NBAS: variants seen among roughly 807,000 people sequenced by gnomAD.
NBAS encodes the protein NBAS subunit of NRZ tethering complex, also known as NAG/BC035112 fusion.
A neutral mutation model predicts 302.5 loss-of-function variants in NBAS; 219 were observed. The observed-to-expected ratio is 0.72, with a 90% CI of 0.65 to 0.81. NBAS has a LOEUF of 0.81. Ranked by LOEUF, NBAS falls within the 30% of genes least tolerant of loss-of-function variation. The probability of loss-of-function intolerance (pLI) is 0.00; values close to 1 mark genes in which losing one functional copy is unlikely to be tolerated. For missense variants in NBAS, 2,932 were observed against 2,841.6 expected, an observed-to-expected ratio of 1.03 and a Z score of -0.72; for synonymous variants, 1,118 against 1,021.6, an observed-to-expected ratio of 1.09 and a Z score of -1.80.
At chr2:14,815,222 T>C in the NBAS span, among the ~76,000 whole-genome samples, 3 of 152,196 alleles carry the variant, frequency 2.0e-5, no homozygotes, top group Non-Finnish European at 4.4e-5. Context: ...ACAGGTTAAC[T>C]AGCTATAAGG....
At chr2:15,216,441 T>C (rs1204651662) in intron 48 of NBAS, among the ~76,000 whole-genome samples, 2 of 152,132 alleles carry the variant, frequency 1.3e-5, no homozygotes, top group Admixed American at 6.5e-5. Flanking sequence ...ACACATGGAT[T>C]TGGCAAATGA....
At chr2:15,017,026 G>A in the NBAS span, among the ~76,000 whole-genome samples, 1 of 152,042 alleles carries the variant, frequency 6.6e-6, no homozygotes, top group Non-Finnish European at 1.5e-5. Flanking sequence ...AAAATGCACT[G>A]ATTTTTTGAC....
intron 46 of NBAS, among the ~76,000 whole-genome samples, chr2:15,234,186 G>A (rs1346657457): frequency 6.6e-6 from 1 of 152,166 alleles, no homozygotes; most frequent in Admixed American, 6.5e-5. Context: ...CTACTACAAA[G>A]AATGGGAATT....
chr2:15,331,688 C>T (rs140222275), intron 35 of NBAS, among the ~76,000 whole-genome samples: 160 of 152,178 alleles, frequency 1.1e-3, no homozygotes, highest in South Asian at 2.3e-3. Context: ...ATTAATTACC[C>T]GGGCATCATC....
chr2:15,300,073 C>T (rs1558514772), intron 40 of NBAS, among the ~76,000 whole-genome samples: 1 of 152,186 alleles, frequency 6.6e-6, no homozygotes, highest in Non-Finnish European at 1.5e-5. Context: ...TCTGAGAGAG[C>T]TGCTGGGCTC....
At chr2:15,514,903 AG>A (rs1662315597) in intron 9 of NBAS, among the ~76,000 whole-genome samples, 1 of 152,182 alleles carries the variant, frequency 6.6e-6, no homozygotes, top group South Asian at 2.1e-4. Flanking sequence ...TAAGAACAAA[AG>A]GGATTCAGTA....
rs113218127 is a variant in NBAS at position 15,470,980 on chromosome 2, A to G, written c.1725+2242T>C. Among the ~76,000 whole-genome samples the G allele has an allele frequency of 9.6e-3, 1,459 of 152,228 alleles. 17 individuals carry two copies. Among genetic ancestry groups the G allele is most frequent in the African/African-American group, 0.03 (1,253 of 41,540 alleles). On this transcript the variant is annotated intron_variant, in intron 16 of 51. Transcript: ENST00000281513. ...TCCATCTCAAAACAAAACAAAAAAA[A>G]TCATAAGCTCCCTATGAGCAAAAGC...
chr2:15,127,384 C>T, the NBAS span, among the ~76,000 whole-genome samples: 3 of 152,206 alleles, frequency 2.0e-5, no homozygotes, highest in African/African-American at 7.2e-5. Context: ...CTCCAAGCAA[C>T]AAAGACCAGC....
intron 21 of NBAS, among the ~76,000 whole-genome samples, chr2:15,452,086 G>A (rs1039702477): frequency 1.3e-5 from 2 of 151,932 alleles, no homozygotes; most frequent in African/African-American, 4.8e-5. Flanking sequence ...GAGATACAAA[G>A]CAGAAATGTG....
At position 15,274,002 on chromosome 2, in the gene NBAS, C is replaced by A. The variant is rs550384019; in HGVS notation, c.5724+1482G>T. Among the ~76,000 whole-genome samples the A allele has an allele frequency of 5.4e-3, 821 of 152,040 alleles. 4 individuals are homozygous for A. Among genetic ancestry groups the A allele is most frequent in the African/African-American group, 0.017 (706 of 41,496 alleles). ...CCTCCTAGCAGGAGAATGGCATGAACCCAGGAGGCAGAGCTTGCAGTGAGC... is the reference window on the plus strand; with the variant it reads ...CCTCCTAGCAGGAGAATGGCATGAAACCAGGAGGCAGAGCTTGCAGTGAGC... On this transcript the variant is annotated intron_variant, in intron 44 of 51. Transcript: ENST00000281513.
intron 33 of NBAS, among the ~76,000 whole-genome samples, chr2:15,355,625 T>C (rs115445002): frequency 0.013 from 2,054 of 152,234 alleles, 44 homozygotes; most frequent in African/African-American, 0.048. Context: ...TTCTCATGGT[T>C]TAACATCATA....
the NBAS span, among the ~76,000 whole-genome samples, chr2:14,950,328 T>G: frequency 9.2e-5 from 14 of 152,202 alleles, no homozygotes. Context: ...TCCAGGTCAT[T>G]GCAAGTGCTG....
At chr2:15,329,652 C>T (rs1297039191) in intron 36 of NBAS, among the ~76,000 whole-genome samples, 1 of 152,190 alleles carries the variant, frequency 6.6e-6, no homozygotes, top group Non-Finnish European at 1.5e-5. Context: ...TCATCTCCTA[C>T]CATTCTCCCC....
intron 38 of NBAS, among the ~76,000 whole-genome samples, 155 bp from the exon 39 acceptor site, chr2:15,309,402 T>C (rs143471258): frequency 1.7e-3 from 264 of 152,334 alleles, no homozygotes; most frequent in Non-Finnish European, 2.6e-3. Context: ...AAACAGATCA[T>C]ATGGAACTGT....
At chr2:15,122,914 G>A in the NBAS span, among the ~76,000 whole-genome samples, 1 of 151,968 alleles carries the variant, frequency 6.6e-6, no homozygotes. Flanking sequence ...GGCTATTCTG[G>A]GATTTGCACT....
intron 30 of NBAS, among the ~76,000 whole-genome samples, chr2:15,379,030 A>G (rs1249724724): frequency 4.6e-5 from 7 of 152,152 alleles, no homozygotes; most frequent in African/African-American, 7.2e-5. Flanking sequence ...ATACCTAATT[A>G]CGAGAACTCA....
rs114869693 is a variant in NBAS, at chr2:15,384,190, G to C, written c.3258-873C>G. Among the ~76,000 whole-genome samples the C allele has an allele frequency of 2.9e-3, 445 of 152,302 alleles. 2 individuals carry two copies. Among genetic ancestry groups the C allele is most frequent in the African/African-American group, 0.01 (416 of 41,562 alleles). On this transcript the variant is annotated intron_variant, in intron 28 of 51. Transcript: ENST00000281513. ...AAAAACCACTTTATATTGATTTACA[G>C]AGTTACAGAGCTAGGAAATTAATGG...
chr2:14,796,728 A>G, the NBAS span, among the ~76,000 whole-genome samples: 8 of 151,974 alleles, frequency 5.3e-5, no homozygotes, highest in African/African-American at 1.9e-4. Flanking sequence ...AACCTGAGTG[A>G]GAACTTCTAT....
intron 37 of NBAS, 79 bp downstream of exon 37, chr2:15,328,120 A>G: frequency 7.2e-7 from 1 of 1,391,898 alleles, no homozygotes; most frequent in Non-Finnish European, 1.0e-6. Flanking sequence ...GTATATTTTC[A>G]AGAAAATTTT....
Sources: allele counts gnomAD v4.1 joint callset (sites outside exome capture counted in the v4.1 genomes callset), GRCh38; gene constraint gnomAD v4.1.1; transcripts MANE v1.5; gene names NCBI Gene and HGNC (gene_info 2026-07-23, HGNC 2026-07-21).